CRB1: variants seen among roughly 807,000 people sequenced by gnomAD.
CRB1 encodes the protein crumbs cell polarity complex component 1, also known as protein crumbs homolog 1.
Under a neutral mutation model 120.0 loss-of-function variants are expected in CRB1, and 83 were observed. That is an observed-to-expected ratio of 0.69 (90% CI 0.58 to 0.83). The LOEUF (loss-of-function observed/expected upper bound fraction) is 0.83, where lower values mean the gene tolerates loss of function less well. CRB1 is among the 40% of genes least tolerant of loss of function. CRB1 has a pLI of 0.00. For missense variants in CRB1, 1,699 were observed against 1,687.6 expected (o/e 1.01, Z -0.12); for synonymous variants, 625 against 612.5 (o/e 1.02, Z -0.30).
At chr1:197,234,023 T>C in the CRB1 span, among the ~76,000 whole-genome samples, 1 of 152,164 alleles carries the variant, frequency 6.6e-6, no homozygotes, top group Non-Finnish European at 1.5e-5. Context: ...TACTCCTAAC[T>C]CCATCTCTGT....
chr1:197,463,019 C>A (rs1666598312), intron 11 of CRB1, among the ~76,000 whole-genome samples: 1 of 152,046 alleles, frequency 6.6e-6, no homozygotes, highest in Admixed American at 6.6e-5. Flanking sequence ...ACTGAAACAG[C>A]TACCTTCTTA....
chr1:197,451,556 C>T (rs1665974094), intron 11 of CRB1, among the ~76,000 whole-genome samples: 1 of 152,168 alleles, frequency 6.6e-6, no homozygotes, highest in African/African-American at 2.4e-5. Flanking sequence ...TTCTCTGAAA[C>T]TGAACCTAAC....
intron 10 of CRB1, chr1:197,441,403 A>G (rs1665426770): frequency 1.3e-5 from 2 of 152,172 alleles, no homozygotes; most frequent in African/African-American, 4.8e-5. Flanking sequence ...AAAAATGACA[A>G]TATCCCAGGA....
At chr1:197,318,524 G>A (rs1438856745) in intron 1 of CRB1, among the ~76,000 whole-genome samples, 2 of 152,058 alleles carry the variant, frequency 1.3e-5, no homozygotes, top group African/African-American at 4.8e-5. Context: ...AAATGAAATA[G>A]GTACTTCGAA....
the CRB1 span, among the ~76,000 whole-genome samples, chr1:197,217,383 TGTATTATTCATAGCA>T: frequency 6.6e-6 from 1 of 152,178 alleles, no homozygotes; most frequent in Non-Finnish European, 1.5e-5. Flanking sequence ...GAAGGATAGC[TGTATTATTCATAGCA>T]GCCTCAAATT....
intron 8 of CRB1, among the ~76,000 whole-genome samples, chr1:197,432,089 G>A (rs1664895585): frequency 6.6e-6 from 1 of 151,932 alleles, no homozygotes; most frequent in South Asian, 2.1e-4. Flanking sequence ...CTTAAATACA[G>A]GTGTGCTTAT....
intron 5 of CRB1, among the ~76,000 whole-genome samples, chr1:197,362,024 A>G (rs942679711): frequency 1.1e-4 from 17 of 152,150 alleles, no homozygotes; most frequent in Admixed American, 7.8e-4. Context: ...ACATATTTTG[A>G]TATGCCATAC....
At chr1:197,262,449 T>G in the CRB1 span, among the ~76,000 whole-genome samples, 1 of 152,228 alleles carries the variant, frequency 6.6e-6, no homozygotes, top group Non-Finnish European at 1.5e-5. Context: ...TGTAAACATT[T>G]TAGACTTTAA....
At chr1:197,203,332 C>CT in the CRB1 span, among the ~76,000 whole-genome samples, 867 of 150,564 alleles carry the variant, frequency 5.8e-3, 8 homozygotes, top group African/African-American at 0.02. Context: ...CTTTTTTTTT[C>CT]TTTTTTTGAG....
intron 5 of CRB1, among the ~76,000 whole-genome samples, chr1:197,374,272 A>G (rs1310505832): frequency 6.6e-6 from 1 of 152,146 alleles, no homozygotes; most frequent in Non-Finnish European, 1.5e-5. Context: ...ACTATCCCCC[A>G]GTTGGGAGTG....
At chr1:197,351,919 C>T (rs1445863440) in intron 4 of CRB1, among the ~76,000 whole-genome samples, 1 of 152,190 alleles carries the variant, frequency 6.6e-6, no homozygotes, top group Non-Finnish European at 1.5e-5. Flanking sequence ...AAAGTTAACA[C>T]TACAAACTAC....
chr1:197,218,662 A>T, the CRB1 span, among the ~76,000 whole-genome samples: 1 of 152,114 alleles, frequency 6.6e-6, no homozygotes, highest in African/African-American at 2.4e-5. Context: ...TGGATGATAC[A>T]AGGTTTGTGG....
At chr1:197,342,268 T>C (rs1459781255) in intron 2 of CRB1, among the ~76,000 whole-genome samples, 1 of 152,180 alleles carries the variant, frequency 6.6e-6, no homozygotes, top group Non-Finnish European at 1.5e-5. Context: ...CTATTGAATT[T>C]TTAGCAGAAC....
At chr1:197,477,387 A>G (rs900277473) in intron 11 of CRB1, among the ~76,000 whole-genome samples, 3 of 152,202 alleles carry the variant, frequency 2.0e-5, no homozygotes, top group Admixed American at 6.5e-5. Flanking sequence ...TTGCTACATG[A>G]ATCATCTCAG....
intron 1 of CRB1, among the ~76,000 whole-genome samples, chr1:197,313,254 T>C (rs1040603284): frequency 1.3e-5 from 2 of 152,170 alleles, no homozygotes; most frequent in African/African-American, 4.8e-5. Flanking sequence ...TCCAATCACC[T>C]GCCACCAGGT....
intron 11 of CRB1, among the ~76,000 whole-genome samples, chr1:197,469,207 G>A (rs1042414965): frequency 1.3e-5 from 2 of 152,150 alleles, no homozygotes; most frequent in Non-Finnish European, 2.9e-5. Context: ...GCGACAGAGT[G>A]AGACCCTGTC....
chr1:197,384,049 A>G (rs1571441395), intron 5 of CRB1, among the ~76,000 whole-genome samples: 1 of 152,216 alleles, frequency 6.6e-6, no homozygotes, highest in Non-Finnish European at 1.5e-5. Flanking sequence ...CAGATGTAAT[A>G]ATTTTAAAAG....
At chr1:197,320,053 G>T (rs1558051316) in intron 1 of CRB1, among the ~76,000 whole-genome samples, 1 of 152,194 alleles carries the variant, frequency 6.6e-6, no homozygotes. Context: ...TAAAGACCTG[G>T]CCTTAGCCAA....
At chr1:197,281,855 T>C (rs1655538591) in intron 1 of CRB1, among the ~76,000 whole-genome samples, 1 of 151,828 alleles carries the variant, frequency 6.6e-6, no homozygotes, top group Non-Finnish European at 1.5e-5. Context: ...TTTAAATCTC[T>C]TTATTTTGAA....
Sources: gnomAD v4.1 joint callset for allele counts (sites outside exome capture counted in the v4.1 genomes callset) on GRCh38, gnomAD v4.1.1 for gene constraint, MANE v1.5 for transcripts, NCBI Gene and HGNC (gene_info 2026-07-23, HGNC 2026-07-21) for gene names.